SYTL2: variants seen among roughly 807,000 people sequenced by gnomAD.
SYTL2 encodes synaptotagmin-like protein 2.
In SYTL2, 165 loss-of-function variants were observed where a neutral mutation model predicts 198.7. The ratio of observed to expected loss-of-function variants is 0.83; its 90% CI spans 0.73 to 0.94. SYTL2 has a LOEUF of 0.94. SYTL2 is among the 40% of genes least tolerant of loss of function. The pLI, the probability that SYTL2 is intolerant of heterozygous loss-of-function variation, is 0.00. For missense variants in SYTL2, 2,835 were observed against 2,582.8 expected, an observed-to-expected ratio of 1.10 and a Z score of -2.12; for synonymous variants, 966 against 917.7, an observed-to-expected ratio of 1.05 and a Z score of -0.95.
At chr11:85,765,141 T>C (rs1257879437) in intron 1 of SYTL2, among the ~76,000 whole-genome samples, 1 of 152,184 alleles carries the variant, frequency 6.6e-6, no homozygotes, top group Non-Finnish European at 1.5e-5. Context: ...TCTTAAAAAA[T>C]AATAGTTGAA....
At chr11:85,839,661 C>T in the SYTL2 span, among the ~76,000 whole-genome samples, 3 of 152,210 alleles carry the variant, frequency 2.0e-5, no homozygotes, top group Admixed American at 6.5e-5. Context: ...ATATATGTTA[C>T]ATTCTCTTTA....
chr11:85,750,819 G>T (rs2091466468), intron 2 of SYTL2, among the ~76,000 whole-genome samples: 1 of 152,158 alleles, frequency 6.6e-6, no homozygotes, highest in Non-Finnish European at 1.5e-5. Context: ...AGCAGGACAT[G>T]CTCATCTCTC....
At chr11:85,718,560 C>G (rs2087741263) in intron 10 of SYTL2, 1 of 517,106 alleles carries the variant, frequency 1.9e-6, no homozygotes, top group African/African-American at 1.9e-5. Context: ...CCTTGCTTCA[C>G]AAGGGTCTCT....
intron 12 of SYTL2, among the ~76,000 whole-genome samples, chr11:85,711,516 G>C (rs1348807390): frequency 6.6e-6 from 1 of 152,172 alleles, no homozygotes. Flanking sequence ...GCACTATTGT[G>C]AGCTTTCTTG....
intron 4 of SYTL2, among the ~76,000 whole-genome samples, chr11:85,742,973 T>C (rs1347830289): frequency 6.6e-6 from 1 of 152,224 alleles, no homozygotes; most frequent in Admixed American, 6.5e-5. Flanking sequence ...CAGCTGCCAA[T>C]GCTTGACTAC....
At position 85,734,082 on chromosome 11, in the gene SYTL2, A is replaced by G; in HGVS notation, c.1247T>C (p.Phe416Ser). ...ETHQPMTSGS[F>S]PINGLHSHSE... ...ATGAGAATGCAGCCCATTAATTGGA[A>G]AAGAACCAGAAGTCATTGGCTGATG... The change falls in exon 7 of 20, where the codon TTT becomes TCT. Residue 416 changes from phenylalanine (F) to serine (S), a missense_variant. Phe to Ser is a radical substitution (Grantham distance 155). Transcript: ENST00000359152. The G allele has an allele frequency of 6.2e-7, 1 of 1,614,210 alleles. No individual in the cohort carries two copies. Among genetic ancestry groups the G allele is most frequent in the Non-Finnish European group, 8.5e-7 (1 of 1,180,020 alleles).
the SYTL2 span, among the ~76,000 whole-genome samples, chr11:85,838,700 C>G: frequency 6.6e-6 from 1 of 152,104 alleles, no homozygotes; most frequent in Non-Finnish European, 1.5e-5. Flanking sequence ...GGGATTCACC[C>G]CCGTGACCCA....
intron 6 of SYTL2, among the ~76,000 whole-genome samples, chr11:85,735,207 A>T (rs1018174033): frequency 1.4e-4 from 21 of 152,210 alleles, no homozygotes; most frequent in African/African-American, 5.1e-4. Context: ...AAACTGCTCT[A>T]AAAAATAACG....
the SYTL2 span, among the ~76,000 whole-genome samples, chr11:85,849,192 C>T: frequency 6.6e-6 from 1 of 152,052 alleles, no homozygotes; most frequent in Non-Finnish European, 1.5e-5. Flanking sequence ...GGATATTAGC[C>T]CTTTGTCAGA....
the SYTL2 span, among the ~76,000 whole-genome samples, chr11:85,827,351 GATC>G: frequency 6.6e-6 from 1 of 152,094 alleles, no homozygotes; most frequent in Middle Eastern, 3.2e-3. Context: ...GAGGAAAAGG[GATC>G]CCATGATGAC....
intron 1 of SYTL2, among the ~76,000 whole-genome samples, chr11:85,800,932 A>C (rs2092877779): frequency 6.6e-6 from 1 of 152,232 alleles, no homozygotes. Context: ...GGCTTTCCCC[A>C]AGGAACCCAG....
intron 1 of SYTL2, among the ~76,000 whole-genome samples, chr11:85,783,181 C>T (rs994182083): frequency 6.6e-6 from 1 of 152,146 alleles, no homozygotes; most frequent in African/African-American, 2.4e-5. Flanking sequence ...GGGGAGGCCT[C>T]GGGAAACTTA....
chr11:85,781,662 T>C (rs764655526), intron 1 of SYTL2, among the ~76,000 whole-genome samples: 3 of 152,164 alleles, frequency 2.0e-5, no homozygotes, highest in Non-Finnish European at 4.4e-5. Flanking sequence ...ATTGGGTAAA[T>C]ACACCCATTC....
chr11:85,833,353 G>A, the SYTL2 span, among the ~76,000 whole-genome samples: 16 of 143,116 alleles, frequency 1.1e-4, no homozygotes, highest in South Asian at 8.7e-4. Context: ...ATATATACAC[G>A]ATATATATAT....
intron 1 of SYTL2, among the ~76,000 whole-genome samples, chr11:85,793,709 A>C (rs2092763768): frequency 6.6e-6 from 1 of 152,206 alleles, no homozygotes. Flanking sequence ...ACAGACAAAG[A>C]AATAGGCATA....
intron 4 of SYTL2, among the ~76,000 whole-genome samples, chr11:85,739,253 C>CTT (rs34147924): frequency 0.06 from 7,489 of 124,372 alleles, 456 homozygotes; most frequent in African/African-American, 0.15. Flanking sequence ...AGGAGGCTGG[C>CTT]TTTTTTTTTT....
chr11:85,761,571 GA>G (rs2092097074), intron 1 of SYTL2, among the ~76,000 whole-genome samples: 1 of 152,192 alleles, frequency 6.6e-6, no homozygotes. Context: ...AAGAAAGCCA[GA>G]CAAAAAGGCA....
intron 17 of SYTL2, among the ~76,000 whole-genome samples, chr11:85,700,114 T>C (rs77360470): frequency 1.9e-4 from 28 of 150,868 alleles, no homozygotes; most frequent in African/African-American, 5.6e-4. Flanking sequence ...AAAAAAAAAA[T>C]GAGAACTTTC....
chr11:85,833,047 GAAAGAAAGAAAGAAAGAAAGAAA>G, the SYTL2 span, among the ~76,000 whole-genome samples: 1 of 26,196 alleles, frequency 3.8e-5, no homozygotes, highest in Non-Finnish European at 7.3e-5. Flanking sequence ...AAGAAAGAAA[GAAAGAAAGAAAGAAAGAAAGAAA>G]GAAAGAAAGA....
Sources: gnomAD v4.1 joint callset for allele counts (sites outside exome capture counted in the v4.1 genomes callset) on GRCh38, gnomAD v4.1.1 for gene constraint, MANE v1.5 for transcripts, NCBI Gene and HGNC (gene_info 2026-07-23, HGNC 2026-07-21) for gene names.